The following FUT8 variants were observed in gnomAD, a reference collection of about 807,000 sequenced individuals.
FUT8 encodes alpha-(1,6)-fucosyltransferase.
FUT8 carries 29 observed loss-of-function variants against 71.3 expected under a neutral mutation model. The observed-to-expected ratio is 0.41, with a 90% CI of 0.30 to 0.55. The LOEUF is 0.55. Among genes scored for constraint, FUT8 ranks in the 20% least tolerant of loss-of-function variants. The probability of loss-of-function intolerance (pLI) is 0.34; values close to 1 mark genes in which losing one functional copy is unlikely to be tolerated. For missense variants in FUT8, 544 were observed against 702.1 expected (o/e 0.77, Z 2.55); for synonymous variants, 254 against 239.3 (o/e 1.06, Z -0.57).
At chr14:65,571,706 A>G (rs936179023) in intron 3 of FUT8, among the ~76,000 whole-genome samples, 3 of 152,142 alleles carry the variant, frequency 2.0e-5, no homozygotes, top group African/African-American at 7.2e-5. Context: ...ATCATTTGTT[A>G]TATTGTCTTA....
At chr14:65,363,798 G>C in the FUT8 span, among the ~76,000 whole-genome samples, 1 of 152,116 alleles carries the variant, frequency 6.6e-6, no homozygotes, top group Non-Finnish European at 1.5e-5. Flanking sequence ...AAACCACTCA[G>C]GTTTTACCAC....
At chr14:65,681,087 T>C (rs1342662663) in intron 7 of FUT8, among the ~76,000 whole-genome samples, 1 of 152,224 alleles carries the variant, frequency 6.6e-6, no homozygotes, top group Non-Finnish European at 1.5e-5. Flanking sequence ...TCCCTCCAAT[T>C]GTCCCCATGT....
intron 3 of FUT8, among the ~76,000 whole-genome samples, chr14:65,579,038 A>G (rs1019061182): frequency 4.6e-5 from 7 of 152,160 alleles, no homozygotes; most frequent in African/African-American, 1.7e-4. Context: ...AAATAAAGAC[A>G]AAAGGGACTT....
chr14:65,540,209 GCCCC>G (rs1335262933), intron 2 of FUT8, among the ~76,000 whole-genome samples: 9 of 152,100 alleles, frequency 5.9e-5, no homozygotes, highest in African/African-American at 2.2e-4. Flanking sequence ...GAGTCATGAT[GCCCC>G]TAAAGTTCAT....
intron 7 of FUT8, among the ~76,000 whole-genome samples, chr14:65,693,157 G>C (rs1893785073): frequency 6.6e-6 from 1 of 152,242 alleles, no homozygotes; most frequent in South Asian, 2.1e-4. Flanking sequence ...AAGGCAGGCG[G>C]CTGGGAGGTG....
At position 65,580,072 on chromosome 14, in the gene FUT8, A is replaced by ATATATG. The variant is rs560149681; in HGVS notation, c.203+18311_203+18312insGTATAT. Among the ~76,000 whole-genome samples, 288 of 147,464 alleles carry ATATATG rather than the reference A, an allele frequency of 2.0e-3. 4 individuals are homozygous for ATATATG. Among genetic ancestry groups the ATATATG allele is most frequent in the African/African-American group, 6.8e-3 (273 of 40,232 alleles). On this transcript the variant is annotated intron_variant, in intron 3 of 10. Transcript: ENST00000673929. Reference sequence around the variant, plus strand: ...CAAAATACTGATAGTGCTATATTTTATATATATATATATATATAGTCATGC... The same window carrying ATATATG: ...CAAAATACTGATAGTGCTATATTTTATATATGTATATATATATATATATAGTCATGC...
intron 2 of FUT8, among the ~76,000 whole-genome samples, chr14:65,499,524 G>GA (rs1172151231): frequency 6.6e-6 from 1 of 151,962 alleles, no homozygotes; most frequent in Non-Finnish European, 1.5e-5. Context: ...AATTTGTAAA[G>GA]AATAATGGGC....
chr14:65,358,540 C>T, the FUT8 span, among the ~76,000 whole-genome samples: 101 of 151,834 alleles, frequency 6.7e-4, no homozygotes, highest in Non-Finnish European at 1.2e-3. Flanking sequence ...AGTAGTATGA[C>T]CTCCTCAGGC....
intron 2 of FUT8, among the ~76,000 whole-genome samples, chr14:65,520,743 A>G (rs900869064): frequency 1.3e-5 from 2 of 152,134 alleles, no homozygotes; most frequent in Non-Finnish European, 2.9e-5. Context: ...TTATTTAAAA[A>G]GGTTAACATT....
intron 6 of FUT8, among the ~76,000 whole-genome samples, chr14:65,647,238 A>G (rs1245470241): frequency 6.6e-6 from 1 of 152,198 alleles, no homozygotes; most frequent in East Asian, 1.9e-4. Flanking sequence ...TGGTTGTGAT[A>G]GGGAGCAGGT....
chr14:65,602,327 A>ATT (rs1888329454), intron 3 of FUT8, among the ~76,000 whole-genome samples: 1 of 123,668 alleles, frequency 8.1e-6, no homozygotes, highest in Non-Finnish European at 1.6e-5. Context: ...TTCATGGCCG[A>ATT]GTAGCGTTCC....
intron 3 of FUT8, among the ~76,000 whole-genome samples, chr14:65,608,434 G>C (rs1888701180): frequency 6.6e-6 from 1 of 151,870 alleles, no homozygotes; most frequent in South Asian, 2.1e-4. Flanking sequence ...ATTTCTCAGA[G>C]AGCCGTGTAA....
At chr14:65,696,607 G>T (rs1894009816) in intron 7 of FUT8, among the ~76,000 whole-genome samples, 1 of 151,934 alleles carries the variant, frequency 6.6e-6, no homozygotes, top group Non-Finnish European at 1.5e-5. Flanking sequence ...TAGATTTGTG[G>T]TTTTGTGTCT....
At chr14:65,633,277 T>C (rs1566864653) in intron 6 of FUT8, among the ~76,000 whole-genome samples, 2 of 152,222 alleles carry the variant, frequency 1.3e-5, no homozygotes, top group Non-Finnish European at 2.9e-5. Context: ...AGCCTCGGCC[T>C]CCTGAGGTGC....
At chr14:65,602,087 A>G (rs571424840) in intron 3 of FUT8, among the ~76,000 whole-genome samples, 1 of 151,784 alleles carries the variant, frequency 6.6e-6, no homozygotes, top group South Asian at 2.1e-4. Flanking sequence ...CCCGAGCAGT[A>G]TACGCTGAAC....
intron 3 of FUT8, among the ~76,000 whole-genome samples, chr14:65,585,826 A>G (rs928214797): frequency 6.6e-6 from 1 of 152,232 alleles, no homozygotes; most frequent in Non-Finnish European, 1.5e-5. Context: ...CTTGCCCCAG[A>G]AGGAAACTTG....
intron 3 of FUT8, among the ~76,000 whole-genome samples, chr14:65,568,004 G>A (rs1298057037): frequency 6.6e-6 from 1 of 151,818 alleles, no homozygotes; most frequent in African/African-American, 2.4e-5. Flanking sequence ...TACCAGTGAA[G>A]TTATCTGGGC....
At chr14:65,468,090 G>T in intron 2 of FUT8, 1 of 633,552 alleles carries the variant, frequency 1.6e-6, no homozygotes, top group East Asian at 3.0e-5. Context: ...CCAACAGCAT[G>T]CTGAGTAACG....
intron 2 of FUT8, among the ~76,000 whole-genome samples, chr14:65,528,032 G>T (rs1218887446): frequency 1.3e-5 from 2 of 152,212 alleles, no homozygotes; most frequent in African/African-American, 2.4e-5. Context: ...TCCGTTCTCA[G>T]ATCTCCAGCT....
Sources: allele counts gnomAD v4.1 joint callset (sites outside exome capture counted in the v4.1 genomes callset), GRCh38; gene constraint gnomAD v4.1.1; transcripts MANE v1.5; gene names NCBI Gene and HGNC (gene_info 2026-07-23, HGNC 2026-07-21).